LRRTM4: variants seen among roughly 807,000 people sequenced by gnomAD.
LRRTM4 encodes the protein leucine rich repeat transmembrane neuronal 4.
In LRRTM4, 25 loss-of-function variants were observed where a neutral mutation model predicts 47.6. That is an observed-to-expected ratio of 0.53 (90% CI 0.38 to 0.73). The LOEUF (loss-of-function observed/expected upper bound fraction) is 0.73, where lower values mean the gene tolerates loss of function less well. LRRTM4 is among the 30% of genes least tolerant of loss of function. LRRTM4 has a pLI of 0.00. For missense variants in LRRTM4, 638 were observed against 713.4 expected (o/e 0.89, Z 1.20); for synonymous variants, 311 against 269.5 (o/e 1.15, Z -1.51).
intron 3 of LRRTM4, among the ~76,000 whole-genome samples, chr2:77,180,004 T>G (rs546552640): frequency 2.6e-5 from 4 of 152,260 alleles, no homozygotes; most frequent in African/African-American, 9.6e-5. Flanking sequence ...TGAATAAAAA[T>G]TATTAGAAAG....
chr2:76,911,527 C>T (rs1006670584), intron 3 of LRRTM4, among the ~76,000 whole-genome samples: 1 of 152,006 alleles, frequency 6.6e-6, no homozygotes, highest in African/African-American at 2.4e-5. Context: ...CTGTAAAGTT[C>T]AAGATAATGG....
intron 3 of LRRTM4, among the ~76,000 whole-genome samples, chr2:77,357,034 A>G (rs997523987): frequency 3.9e-5 from 6 of 152,120 alleles, no homozygotes; most frequent in Non-Finnish European, 8.8e-5. Flanking sequence ...TAGTGATTCA[A>G]AATAATACCT....
chr2:77,330,251 G>T (rs2104248584), intron 3 of LRRTM4, among the ~76,000 whole-genome samples: 1 of 152,260 alleles, frequency 6.6e-6, no homozygotes, highest in South Asian at 2.1e-4. Flanking sequence ...GCAAAAGTTT[G>T]AGAGTTGTTT....
chr2:76,778,489 G>T (rs1316743492), intron 3 of LRRTM4, among the ~76,000 whole-genome samples: 1 of 148,888 alleles, frequency 6.7e-6, no homozygotes, highest in African/African-American at 2.6e-5. Context: ...TTAGTCTTGG[G>T]AGAGTGTATG....
chr2:76,900,928 A>G (rs1673604235), intron 3 of LRRTM4, among the ~76,000 whole-genome samples: 1 of 152,206 alleles, frequency 6.6e-6, no homozygotes, highest in African/African-American at 2.4e-5. Flanking sequence ...AGACCTAAAA[A>G]TACGCCAATG....
At chr2:77,457,634 A>G in intron 3 of LRRTM4, among the ~76,000 whole-genome samples, 1 of 152,146 alleles carries the variant, frequency 6.6e-6, no homozygotes, top group East Asian at 1.9e-4. Context: ...ACTATAAAAC[A>G]TAATGTAATC....
intron 3 of LRRTM4, among the ~76,000 whole-genome samples, chr2:76,791,447 G>A (rs1017506100): frequency 1.3e-5 from 2 of 152,098 alleles, no homozygotes; most frequent in African/African-American, 4.8e-5. Context: ...AGAGAATTTA[G>A]AGGAAAAAAT....
chr2:76,782,916 T>C (rs2104167370), intron 3 of LRRTM4, among the ~76,000 whole-genome samples: 1 of 152,328 alleles, frequency 6.6e-6, no homozygotes, highest in East Asian at 1.9e-4. Flanking sequence ...TCTTTAGAAT[T>C]AATCAAATAC....
At chr2:76,919,124 A>G (rs1360090600) in intron 3 of LRRTM4, among the ~76,000 whole-genome samples, 1 of 152,158 alleles carries the variant, frequency 6.6e-6, no homozygotes, top group Non-Finnish European at 1.5e-5. Context: ...ACACAAGCAA[A>G]GTGTTGCCAA....
intron 3 of LRRTM4, among the ~76,000 whole-genome samples, chr2:76,759,897 G>GTTTAT (rs1486063455): frequency 2.0e-5 from 3 of 152,060 alleles, no homozygotes; most frequent in Non-Finnish European, 2.9e-5. Context: ...TCAATTCCTT[G>GTTTAT]TTTATTTTCT....
chr2:76,999,282 C>T (rs138363626), intron 3 of LRRTM4, among the ~76,000 whole-genome samples: 85 of 151,786 alleles, frequency 5.6e-4, no homozygotes, highest in Non-Finnish European at 1.0e-3. Flanking sequence ...TAGACTGATA[C>T]AATTCTCAAG....
intron 3 of LRRTM4, among the ~76,000 whole-genome samples, chr2:76,985,669 C>G (rs923622280): frequency 5.3e-5 from 8 of 152,058 alleles, no homozygotes; most frequent in Middle Eastern, 3.4e-3. Flanking sequence ...TTAGAGGCTT[C>G]TGACTAATGT....
chr2:77,472,333 T>G (rs1257322057), intron 3 of LRRTM4, among the ~76,000 whole-genome samples: 2 of 152,048 alleles, frequency 1.3e-5, no homozygotes, highest in Non-Finnish European at 2.9e-5. Flanking sequence ...AAAGAAAATA[T>G]CTCTAAACAG....
chr2:77,007,378 G>A (rs1040609441), intron 3 of LRRTM4, among the ~76,000 whole-genome samples: 23 of 152,094 alleles, frequency 1.5e-4, no homozygotes, highest in African/African-American at 5.3e-4. Flanking sequence ...AATTTAAAAA[G>A]ATCAATATGA....
chr2:76,835,161 C>A (rs1212452906), intron 3 of LRRTM4, among the ~76,000 whole-genome samples: 1 of 151,940 alleles, frequency 6.6e-6, no homozygotes, highest in African/African-American at 2.4e-5. Flanking sequence ...CCTAAATTCC[C>A]AAACAGAGCT....
chr2:77,269,296 C>A, intron 3 of LRRTM4, among the ~76,000 whole-genome samples: 1 of 152,008 alleles, frequency 6.6e-6, no homozygotes, highest in African/African-American at 2.4e-5. Context: ...AGATATTACA[C>A]AATAGGAGGG....
chr2:77,457,135 T>C (rs1387668726), intron 3 of LRRTM4, among the ~76,000 whole-genome samples: 1 of 149,780 alleles, frequency 6.7e-6, no homozygotes, highest in Non-Finnish European at 1.5e-5. Context: ...AAAATACTAG[T>C]TATAGGCTAA....
At chr2:77,316,255 T>A (rs1362080044) in intron 3 of LRRTM4, among the ~76,000 whole-genome samples, 1 of 152,160 alleles carries the variant, frequency 6.6e-6, no homozygotes, top group African/African-American at 2.4e-5. Context: ...GGAGATAATA[T>A]ATGTAAAGCA....
At chr2:77,043,155 T>C (rs1679094159) in intron 3 of LRRTM4, among the ~76,000 whole-genome samples, 1 of 151,776 alleles carries the variant, frequency 6.6e-6, no homozygotes. Flanking sequence ...TACGTATCTT[T>C]CATTGTTATT....
Sources: gnomAD v4.1 joint callset for allele counts (sites outside exome capture counted in the v4.1 genomes callset) on GRCh38, gnomAD v4.1.1 for gene constraint, MANE v1.5 for transcripts, NCBI Gene and HGNC (gene_info 2026-07-23, HGNC 2026-07-21) for gene names.